ACADL: variants seen among roughly 807,000 people sequenced by gnomAD.
ACADL encodes the protein long-chain specific acyl-CoA dehydrogenase, mitochondrial.
ACADL carries 60 observed loss-of-function variants against 56.9 expected under a neutral mutation model. The observed-to-expected ratio is 1.05, with a 90% confidence interval of 0.86 to 1.31. The LOEUF is 1.31. Among genes scored for constraint, ACADL ranks in the 50% most tolerant of loss-of-function variants. The probability of loss-of-function intolerance (pLI) is 0.00; values close to 1 mark genes in which losing one functional copy is unlikely to be tolerated. For synonymous variants in ACADL, 158 were observed against 179.7 expected, an observed-to-expected ratio of 0.88 and a Z score of 0.97; for missense variants, 484 against 525.5, an observed-to-expected ratio of 0.92 and a Z score of 0.77.
chr2:210,220,769 T>C lies in ACADL; in HGVS notation c.111A>G (p.Glu37=). 6.2e-7 allele frequency: 1 copy of C among 1,610,490 alleles called. No individual in the cohort carries two copies. Among genetic ancestry groups the C allele is most frequent in the Non-Finnish European group, 8.5e-7 (1 of 1,178,212 alleles). ...CSHSGGEERL[E]TPSAKKLTDI... is the part of the protein sequence containing the mutation. The stretch of plus-strand genomic sequence containing the variant: ...CTGTTAATTTTTTAGCAGAAGGAGT[T>C]TCTAGACGTTCTTCCCCTCCGGAAT... Residue 37 remains glutamate (E), a synonymous_variant, in exon 2 of 11, where the codon GAA becomes GAG. Transcript: ENST00000233710.
intron 4 of ACADL, among the ~76,000 whole-genome samples, chr2:210,213,240 C>G (rs779661192): frequency 6.6e-6 from 1 of 152,206 alleles, no homozygotes; most frequent in East Asian, 1.9e-4. Context: ...TGGCTCATGC[C>G]TGTAATCCCA....
intron 3 of ACADL, 72 bp downstream of exon 3, chr2:210,217,893 G>A: frequency 6.5e-7 from 1 of 1,544,518 alleles, no homozygotes; most frequent in Non-Finnish European, 8.9e-7. Context: ...TTGTTTGTTT[G>A]TTTGGTCATT....
At position 210,192,796 on chromosome 2, in the gene ACADL, ATACT is replaced by A; in HGVS notation, c.1199+4_1199+7del. 1 of 1,605,072 alleles carries A rather than the reference ATACT, an allele frequency of 6.2e-7. No individual in the cohort carries two copies. The highest frequency in any genetic ancestry group is 8.5e-7 in the Non-Finnish European group (1 of 1,171,882). Reference sequence around the variant, plus strand: ...ATAAAGAAGAGTGTATCAGAAAACTATACTTACTTTGCAATTGGGTACTCCCACA... The same window carrying A: ...ATAAAGAAGAGTGTATCAGAAAACTATACTTTGCAATTGGGTACTCCCACA... On this transcript the variant is annotated splice_donor_5th_base_variant and intron_variant, in intron 10 of 10. Transcript: ENST00000233710.
At chr2:210,189,162 A>G in intron 10 of ACADL, 108 bp from the exon 11 acceptor site, 1 of 742,516 alleles carries the variant, frequency 1.3e-6, no homozygotes, top group Non-Finnish European at 2.3e-6. Flanking sequence ...ACAAACAATA[A>G]AAGTCCTTCA....
intron 1 of ACADL, chr2:210,224,833 A>ACCT: frequency 9.8e-7 from 1 of 1,023,452 alleles, no homozygotes; most frequent in Non-Finnish European, 1.2e-6. Flanking sequence ...GGGGGTGACC[A>ACCT]CCTCCTCCCA....
At chr2:210,214,467 A>AAAAGAAAGAAAGAAAGAAAAAG (rs1553690975) in intron 4 of ACADL, among the ~76,000 whole-genome samples, 1 of 122,336 alleles carries the variant, frequency 8.2e-6, no homozygotes, top group Admixed American at 9.3e-5. Flanking sequence ...GACCTTCCAA[A>AAAAGAAAGAAAGAAAGAAAAAG]AAAGAAAGAA....
intron 3 of ACADL, among the ~76,000 whole-genome samples, chr2:210,216,947 A>G (rs921504071): frequency 2.0e-5 from 3 of 152,026 alleles, no homozygotes; most frequent in Non-Finnish European, 4.4e-5. Context: ...AAAAAACAAA[A>G]CAAAACAAAA....
intron 5 of ACADL, chr2:210,209,966 AAAC>A (rs1688951231): frequency 2.2e-6 from 1 of 459,134 alleles, no homozygotes; most frequent in Admixed American, 3.6e-5. Flanking sequence ...TTGGAAGCTA[AAAC>A]AACCTTTGCC....
rs1186386622 is a variant in ACADL, at chr2:210,188,058, T to C, written c.*903A>G. ...TGCTTGAAATTATCTCTTTTACATA[T>C]TTACTTCTTACCTTATTTTACTACT... On this transcript the variant is annotated 3_prime_UTR_variant, in exon 11 of 11. Transcript: ENST00000233710. 1 of 152,234 alleles carries C rather than the reference T, an allele frequency of 6.6e-6. No homozygotes were observed. Among genetic ancestry groups the C allele is most frequent in the African/African-American group, 2.4e-5 (1 of 41,458 alleles). The allele number at this position is 152,234 out of a possible 1,614,324, so 9.4% of individuals were successfully genotyped here.
At chr2:210,195,907 C>A (rs1376814690) in intron 8 of ACADL, among the ~76,000 whole-genome samples, 3 of 152,072 alleles carry the variant, frequency 2.0e-5, no homozygotes, top group African/African-American at 7.2e-5. Context: ...AATCAGAGTA[C>A]TAAAGAGATC....
chr2:210,210,063 C>A (rs1688952639), intron 5 of ACADL, 133 bp downstream of exon 5: 2 of 756,294 alleles, frequency 2.6e-6, no homozygotes, highest in Admixed American at 2.0e-5. Flanking sequence ...TTTACTGTCT[C>A]CAAAACAACT....
chr2:210,214,407 A>C (rs1005040911), intron 4 of ACADL, among the ~76,000 whole-genome samples: 1 of 150,352 alleles, frequency 6.7e-6, no homozygotes, highest in African/African-American at 2.4e-5. Context: ...CTCTTTGCTC[A>C]TCTCTCTAAA....
At chr2:210,197,659 T>TA (rs1688731570) in intron 8 of ACADL, among the ~76,000 whole-genome samples, 1 of 152,206 alleles carries the variant, frequency 6.6e-6, no homozygotes, top group Non-Finnish European at 1.5e-5. Flanking sequence ...AGTCTCAAGA[T>TA]ATTTTTTTGC....
chr2:210,190,807 G>A (rs929071192), intron 10 of ACADL, among the ~76,000 whole-genome samples: 2 of 151,976 alleles, frequency 1.3e-5, no homozygotes, highest in Middle Eastern at 3.2e-3. Flanking sequence ...TAGTCTGGGG[G>A]ATATAAGAAA....
chr2:210,225,345 G>C lies in ACADL; in HGVS notation c.-82C>G. 6.9e-7 allele frequency: 1 copy of C among 1,455,348 alleles called. No individual in the cohort carries two copies. The highest frequency in any genetic ancestry group is 1.2e-5 in the South Asian group (1 of 80,972). 90.2% of individuals were successfully genotyped at this position (1,455,348 alleles called of 1,614,324 possible). A position where few individuals can be genotyped will look rare whatever the true frequency, so the allele number is the denominator to read the frequency against. ...TCGGGGCAGGGTCCCCGGGAGGGAGGACGATCAGCTGAGGCGTCCACCTGT... is the reference window on the plus strand; with the variant it reads ...TCGGGGCAGGGTCCCCGGGAGGGAGCACGATCAGCTGAGGCGTCCACCTGT... On this transcript the variant is annotated 5_prime_UTR_variant, in exon 1 of 11. Transcript: ENST00000233710.
intron 10 of ACADL, among the ~76,000 whole-genome samples, chr2:210,190,774 C>CAT (rs1688619232): frequency 6.6e-6 from 1 of 152,082 alleles, no homozygotes; most frequent in Admixed American, 6.6e-5. Context: ...CCCTCAGCAA[C>CAT]ATATATATAA....
chr2:210,198,905 G>C (rs1464712754), intron 8 of ACADL, among the ~76,000 whole-genome samples: 2 of 151,976 alleles, frequency 1.3e-5, no homozygotes, highest in African/African-American at 4.8e-5. Context: ...GGAGAGCATA[G>C]ATTTTAAAAA....
intron 2 of ACADL, among the ~76,000 whole-genome samples, chr2:210,219,530 C>T (rs948206785): frequency 3.9e-5 from 6 of 152,068 alleles, no homozygotes; most frequent in African/African-American, 1.2e-4. Context: ...TGCTTTTCAC[C>T]GAAGACTAGT....
intron 8 of ACADL, among the ~76,000 whole-genome samples, chr2:210,201,078 A>C (rs1423756532): frequency 6.6e-6 from 1 of 152,154 alleles, no homozygotes; most frequent in East Asian, 1.9e-4. Context: ...TCCTTTCTGA[A>C]TAATGCCCAC....
Sources: gnomAD v4.1 joint callset for allele counts (sites outside exome capture counted in the v4.1 genomes callset) on GRCh38, gnomAD v4.1.1 for gene constraint, MANE v1.5 for transcripts, NCBI Gene and HGNC (gene_info 2026-07-23, HGNC 2026-07-21) for gene names.